The following ARFGAP3 variants were observed in gnomAD, a reference collection of about 807,000 sequenced individuals.
ARFGAP3 encodes the protein ARF GTPase activating protein 3.
A neutral mutation model predicts 75.0 loss-of-function variants in ARFGAP3; 72 were observed. The observed-to-expected ratio is 0.96, with a 90% CI of 0.79 to 1.17. ARFGAP3 has a LOEUF of 1.17. ARFGAP3 is among the 50% of genes most tolerant of loss of function. ARFGAP3 has a pLI of 0.00. For missense variants in ARFGAP3, 620 were observed against 626.6 expected, an observed-to-expected ratio of 0.99 and a Z score of 0.11; for synonymous variants, 221 against 217.9, an observed-to-expected ratio of 1.01 and a Z score of -0.13.
At chr22:42,805,127 C>G (rs1040666701) in intron 14 of ARFGAP3, among the ~76,000 whole-genome samples, 1 of 152,014 alleles carries the variant, frequency 6.6e-6, no homozygotes, top group Non-Finnish European at 1.5e-5. Context: ...TCTGGGTGGC[C>G]TCTCACCCCA....
At chr22:42,847,303 A>G (rs1927065089) in intron 2 of ARFGAP3, 2 of 470,020 alleles carry the variant, frequency 4.3e-6, no homozygotes, top group Admixed American at 7.7e-5. Context: ...AGTAACTAGG[A>G]CTAGAGTTAT....
At chr22:42,810,356 C>T (rs560604825) in intron 12 of ARFGAP3, among the ~76,000 whole-genome samples, 35 of 151,930 alleles carry the variant, frequency 2.3e-4, no homozygotes, top group Middle Eastern at 3.4e-3. Context: ...CTCAGCTACT[C>T]GGGAGGCTGA....
chr22:42,827,086 C>CTA (rs1926074402), intron 6 of ARFGAP3, 87 bp from the exon 7 acceptor site: 2 of 1,457,498 alleles, frequency 1.4e-6, no homozygotes, highest in Non-Finnish European at 8.9e-7. Context: ...TTGCTCAGTG[C>CTA]TACATCTTAT....
At chr22:42,836,329 T>C (rs765145623) in intron 3 of ARFGAP3, among the ~76,000 whole-genome samples, 1 of 152,176 alleles carries the variant, frequency 6.6e-6, no homozygotes, top group African/African-American at 2.4e-5. Flanking sequence ...TGGAGGGTAG[T>C]GTGGCATGAT....
chr22:42,854,440 T>C (rs1260674697), intron 1 of ARFGAP3, among the ~76,000 whole-genome samples: 2 of 151,950 alleles, frequency 1.3e-5, no homozygotes, highest in African/African-American at 4.8e-5. Context: ...GCCTGGCCAA[T>C]ATGGTGAAAC....
At chr22:42,843,416 G>A (rs1447160000) in intron 2 of ARFGAP3, among the ~76,000 whole-genome samples, 6 of 151,662 alleles carry the variant, frequency 4.0e-5, no homozygotes, top group South Asian at 4.2e-4. Flanking sequence ...TTTTGTTGTC[G>A]TAGAGATGAG....
intron 14 of ARFGAP3, among the ~76,000 whole-genome samples, chr22:42,801,256 C>T (rs968493106): frequency 6.6e-6 from 1 of 152,196 alleles, no homozygotes; most frequent in African/African-American, 2.4e-5. Flanking sequence ...AAGGATGTTT[C>T]CCAGGTTTCT....
At chr22:42,852,595 A>G (rs1927325765) in intron 1 of ARFGAP3, among the ~76,000 whole-genome samples, 2 of 152,062 alleles carry the variant, frequency 1.3e-5, no homozygotes. Context: ...TCCTGAGCTC[A>G]GATGATCCAC....
chr22:42,831,687 T>A, intron 5 of ARFGAP3, 51 bp from the exon 6 acceptor site: 1 of 1,609,228 alleles, frequency 6.2e-7, no homozygotes, highest in Non-Finnish European at 8.5e-7. Flanking sequence ...AAAACAGCCA[T>A]AAAAAACACA....
In ARFGAP3 at chr22:42,822,379, G is replaced by C; in HGVS notation, c.703C>G (p.Gln235Glu). ...TTAAAGCATGTGTTTGCCAGTTTCT[G>C]AGCTCCCAAACTTCCTTTTTTGGCC... is the stretch of plus-strand genomic sequence containing the variant. The part of the protein sequence containing the change: ...LGAKKGSLGA[Q>E]KLANTCFNEI... The change falls in exon 9 of 16, where the codon CAG (glutamine) becomes GAG (glutamate). Residue 235 changes from glutamine (Q) to glutamate (E), a missense_variant. By Grantham distance (29) the Gln-to-Glu change is conservative (BLOSUM62 2). Transcript: ENST00000263245. 6.2e-7 allele frequency: 1 copy of C among 1,614,086 alleles called. No individual in the cohort carries two copies. Among genetic ancestry groups the C allele is most frequent in the Non-Finnish European group, 8.5e-7 (1 of 1,180,014 alleles).
intron 7 of ARFGAP3, 60 bp downstream of exon 7, chr22:42,826,876 GATTT>G (rs1288999389): frequency 6.9e-7 from 1 of 1,452,474 alleles, no homozygotes; most frequent in African/African-American, 1.4e-5. Context: ...AATGCAAGAG[GATTT>G]ATTTTTTTCT....
At chr22:42,807,269 T>C in intron 13 of ARFGAP3, 106 bp from the exon 14 acceptor site, 1 of 1,467,114 alleles carries the variant, frequency 6.8e-7, no homozygotes, top group Admixed American at 2.5e-5. Context: ...ACCCCCAGGC[T>C]CTTTCTTTCC....
intron 3 of ARFGAP3, among the ~76,000 whole-genome samples, chr22:42,840,709 G>C (rs571385039): frequency 6.6e-6 from 1 of 152,004 alleles, no homozygotes; most frequent in Admixed American, 6.6e-5. Flanking sequence ...GATTACAGGC[G>C]TGAGACACCA....
At chr22:42,831,805 C>T (rs1473681845) in intron 5 of ARFGAP3, 169 bp from the exon 6 acceptor site, 1 of 932,920 alleles carries the variant, frequency 1.1e-6, no homozygotes, top group Non-Finnish European at 1.3e-6. Flanking sequence ...TTTTTAGAAA[C>T]AGGGTCTTGC....
At chr22:42,799,226 C>G (rs1459033237) in intron 14 of ARFGAP3, 66 bp from the exon 15 acceptor site, 1 of 1,592,772 alleles carries the variant, frequency 6.3e-7, no homozygotes, top group Non-Finnish European at 8.6e-7. Context: ...ACCCAGTACC[C>G]AGAGTGCTCA....
At chr22:42,848,362 C>A (rs1433542070) in intron 1 of ARFGAP3, among the ~76,000 whole-genome samples, 1 of 152,164 alleles carries the variant, frequency 6.6e-6, no homozygotes, top group Non-Finnish European at 1.5e-5. Flanking sequence ...GCGCCCGCCA[C>A]CGCACCCGGC....
At chr22:42,808,465 C>T (rs1228097850) in intron 13 of ARFGAP3, among the ~76,000 whole-genome samples, 1 of 151,632 alleles carries the variant, frequency 6.6e-6, no homozygotes, top group African/African-American at 2.4e-5. Context: ...AAGTAAATTA[C>T]AGCTGCACCA....
Position 42,817,249 on chromosome 22 carries a change from T to C in ARFGAP3, c.957A>G (p.Ser319=). ...FGNCRSVISH[S]VTSDMQTIEQ... ...CTATGGTCTGCATATCTGAAGTCAC[T>C]GAATGTGAAATAACACTTGAGAAAA... Residue 319 remains serine, a synonymous_variant, in exon 11 of 16, where the codon TCA becomes TCG. Coordinates refer to ENST00000263245, the MANE Select transcript of ARFGAP3 (RefSeq NM_014570.5). The C allele has an allele frequency of 6.2e-7, 1 of 1,609,554 alleles. No individual in the cohort carries two copies. Among genetic ancestry groups the C allele is most frequent in the Non-Finnish European group, 8.5e-7 (1 of 1,177,704 alleles).
chr22:42,799,122 C>T lies in ARFGAP3; in HGVS notation c.1450G>A (p.Asp484Asn), dbSNP rs368934398. 2.1e-5 allele frequency: 34 copies of T among 1,614,038 alleles called. No homozygotes were observed. Among genetic ancestry groups the T allele is most frequent in the African/African-American group, 1.1e-4 (8 of 74,914 alleles). ...SLSSVLPNAP[D>N]MAQFKQGVRS... ...ACTCCCTGCTTGAACTGCGCCATGT[C>T]GGGGGCGTTGGGCAGCACACTGGAC... The change falls in exon 15 of 16, where the codon GAC becomes AAC. Residue 484 changes from aspartate (D) to asparagine (N), a missense_variant. Asp to Asn is a conservative substitution (Grantham distance 23, BLOSUM62 1). Coordinates refer to ENST00000263245, the MANE Select transcript of ARFGAP3 (RefSeq NM_014570.5).
Sources: allele counts gnomAD v4.1 joint callset (sites outside exome capture counted in the v4.1 genomes callset), GRCh38; gene constraint gnomAD v4.1.1; transcripts MANE v1.5; gene names NCBI Gene and HGNC (gene_info 2026-07-23, HGNC 2026-07-21).